MCC: variants seen among roughly 807,000 people sequenced by gnomAD.
The protein encoded by MCC is MCC regulator of Wnt signaling pathway, also known as colorectal mutant cancer protein.
MCC carries 90 observed loss-of-function variants against 116.2 expected under a neutral mutation model. The observed-to-expected ratio is 0.77, with a 90% CI of 0.65 to 0.92. The LOEUF (loss-of-function observed/expected upper bound fraction) is 0.92, where lower values mean the gene tolerates loss of function less well. Ranked by LOEUF, MCC falls within the 40% of genes least tolerant of loss-of-function variation. The probability of loss-of-function intolerance (pLI) is 0.00; values close to 1 mark genes in which losing one functional copy is unlikely to be tolerated. For synonymous variants in MCC, 578 were observed against 510.5 expected (o/e 1.13, Z -1.78); for missense variants, 1,516 against 1,312.2 (o/e 1.16, Z -2.40).
Position 113,384,671 on chromosome 5 carries a change from T to G in MCC, c.415+297A>C, listed in dbSNP as rs535571568. Reference sequence around the variant, plus strand: ...CCAAAGAGCTTCTGAGGCCTGCTGATGCAGTTACTACCTTTCTTATGCATT... The same window carrying G: ...CCAAAGAGCTTCTGAGGCCTGCTGAGGCAGTTACTACCTTTCTTATGCATT... On this transcript the variant is annotated intron_variant, in intron 2 of 18. Coordinates refer to ENST00000408903, the MANE Select transcript of MCC (RefSeq NM_001085377.2). Among the ~76,000 whole-genome samples the G allele has an allele frequency of 2.5e-4, 38 of 152,364 alleles. 1 individual carries two copies. The highest frequency in any genetic ancestry group is 9.1e-4 in the Admixed American group (14 of 15,308).
chr5:113,453,899 T>G (rs969342852), intron 1 of MCC, among the ~76,000 whole-genome samples: 1 of 152,006 alleles, frequency 6.6e-6, no homozygotes, highest in African/African-American at 2.4e-5. Context: ...TCACCTGAGG[T>G]TGGGAGTTCG....
chr5:113,478,400 A>G (rs1425544641), intron 1 of MCC, among the ~76,000 whole-genome samples: 1 of 152,206 alleles, frequency 6.6e-6, no homozygotes. Context: ...TATTAGGTAT[A>G]TTTTAAAGAG....
intron 5 of MCC, among the ~76,000 whole-genome samples, chr5:113,138,501 G>A (rs930213431): frequency 1.3e-5 from 2 of 152,202 alleles, no homozygotes; most frequent in Admixed American, 6.5e-5. Flanking sequence ...TGAGGACACA[G>A]TGAGAAGGTG....
chr5:113,396,883 A>G (rs983063533), intron 1 of MCC, among the ~76,000 whole-genome samples: 6 of 152,206 alleles, frequency 3.9e-5, no homozygotes, highest in Non-Finnish European at 1.5e-5. Context: ...ATGATTCCAA[A>G]TATTCCACTT....
intron 3 of MCC, among the ~76,000 whole-genome samples, chr5:113,211,572 T>C (rs951117209): frequency 6.6e-6 from 1 of 152,216 alleles, no homozygotes; most frequent in Admixed American, 6.5e-5. Context: ...TCCTGCTCCA[T>C]GTTAACTTTT....
chr5:113,141,028 G>A (rs1372470786), intron 5 of MCC, among the ~76,000 whole-genome samples: 16 of 152,150 alleles, frequency 1.1e-4, no homozygotes, highest in Non-Finnish European at 2.9e-5. Flanking sequence ...TGTTGGACTC[G>A]GGGAAGATCC....
chr5:113,085,437 T>A, intron 8 of MCC, 127 bp from the exon 9 acceptor site: 1 of 836,712 alleles, frequency 1.2e-6, no homozygotes, highest in Non-Finnish European at 1.9e-6. Flanking sequence ...CTAGGTTGGT[T>A]GAGTCCACAT....
chr5:113,282,266 T>A (rs1054056276), intron 3 of MCC, among the ~76,000 whole-genome samples: 1 of 152,170 alleles, frequency 6.6e-6, no homozygotes. Context: ...GACCCCAATA[T>A]GTCATCACTG....
intron 12 of MCC, among the ~76,000 whole-genome samples, chr5:113,070,559 C>T (rs1561777890): frequency 6.6e-6 from 1 of 151,982 alleles, no homozygotes; most frequent in African/African-American, 2.4e-5. Context: ...GGATTTTATC[C>T]AGAGGAAAAT....
Position 113,023,282 on chromosome 5 carries a change from A to ACTT in MCC, c.*4017_*4019dup, listed in dbSNP as rs1750284495. ...TTAAGAACTGGATAGTGAAGGCGTA[A>ACTT]CTTTTGTTTTGTAACCAGTTACGCC... On this transcript the variant is annotated 3_prime_UTR_variant, in exon 19 of 19. Coordinates refer to ENST00000408903, the MANE Select transcript of MCC (RefSeq NM_001085377.2). 6.6e-6 allele frequency: 1 copy of ACTT among 152,234 alleles called. No individual in the cohort carries two copies. Among genetic ancestry groups the ACTT allele is most frequent in the African/African-American group, 2.4e-5 (1 of 41,466 alleles). 9.4% of individuals were successfully genotyped at this position (152,234 alleles called of 1,614,324 possible).
chr5:113,049,171 G>A lies in MCC; in HGVS notation c.2577C>T (p.Ser859=), dbSNP rs577022580. 269 of 1,614,170 alleles carry A rather than the reference G, an allele frequency of 1.7e-4. 3 individuals are homozygous for A. Among genetic ancestry groups the A allele is most frequent in the East Asian group, 1.2e-3 (52 of 44,880 alleles). ...AYLVHIEHLK[S]EVEEQKEQRM... ...GCTGCTCCTTCTGCTCCTCCACCTC[G>A]GACTTCAGGTGCTCAATGTGCACCA... Residue 859 remains serine (S), a synonymous_variant, in exon 16 of 19, where the codon TCC becomes TCT. Transcript: ENST00000408903.
At chr5:113,243,686 T>C (rs1764466471) in intron 3 of MCC, among the ~76,000 whole-genome samples, 1 of 150,176 alleles carries the variant, frequency 6.7e-6, no homozygotes, top group Non-Finnish European at 1.5e-5. Context: ...CTTCTTTCTG[T>C]TTAAAACCGG....
chr5:113,395,322 T>C (rs1476706233), intron 1 of MCC, among the ~76,000 whole-genome samples: 3 of 152,102 alleles, frequency 2.0e-5, no homozygotes, highest in Admixed American at 6.5e-5. Flanking sequence ...TTCTAGTATA[T>C]ATGTATGAAA....
At chr5:113,454,983 C>A (rs756045516) in intron 1 of MCC, among the ~76,000 whole-genome samples, 2 of 152,150 alleles carry the variant, frequency 1.3e-5, no homozygotes, top group Non-Finnish European at 2.9e-5. Context: ...TCATTCTTCA[C>A]TATCTGACCC....
Position 113,215,993 on chromosome 5 carries a change from T to C in MCC, c.628-64571A>G, listed in dbSNP as rs142373683. Reference sequence around the variant, plus strand: ...TGTTTCTCAGTTATATCTTGTTTGATGGCAAGCCCTTCTCCTTTCCCTGTT... The same window carrying C: ...TGTTTCTCAGTTATATCTTGTTTGACGGCAAGCCCTTCTCCTTTCCCTGTT... On this transcript the variant is annotated intron_variant, in intron 3 of 18. Coordinates refer to ENST00000408903, the MANE Select transcript of MCC (RefSeq NM_001085377.2). Among the ~76,000 whole-genome samples the C allele has an allele frequency of 2.6e-4, 40 of 152,374 alleles. 1 individual carries two copies. The highest frequency in any genetic ancestry group is 7.8e-4 in the Admixed American group (12 of 15,304).
intron 8 of MCC, among the ~76,000 whole-genome samples, chr5:113,097,681 CAT>C (rs1756111294): frequency 6.6e-6 from 1 of 152,166 alleles, no homozygotes; most frequent in South Asian, 2.1e-4. Flanking sequence ...TGAGGGAAAA[CAT>C]AGATGTCTCT....
intron 1 of MCC, among the ~76,000 whole-genome samples, chr5:113,468,665 C>A (rs895453869): frequency 6.6e-5 from 10 of 151,974 alleles, no homozygotes; most frequent in South Asian, 2.1e-4. Flanking sequence ...TGTCTCTGCC[C>A]GGCTTTGGTA....
rs201247852 is a variant in MCC at position 113,297,564 on chromosome 5, C to CA, written c.627+42954dup. Among the ~76,000 whole-genome samples, 494 of 147,914 alleles carry CA rather than the reference C, an allele frequency of 3.3e-3. 4 individuals carry two copies. The highest frequency in any genetic ancestry group is 0.01 in the African/African-American group (415 of 40,018). On this transcript the variant is annotated intron_variant, in intron 3 of 18. Coordinates refer to ENST00000408903, the MANE Select transcript of MCC (RefSeq NM_001085377.2). ...TGGGCAACAGAGTGAGACACCATCTCAAAAAAAAATAATAATAATACTAAA... is the reference window on the plus strand; with the variant it reads ...TGGGCAACAGAGTGAGACACCATCTCAAAAAAAAAATAATAATAATACTAAA...
rs532874598 is a variant in MCC at position 113,060,146 on chromosome 5, T to TCTTG, written c.2213+3837_2213+3838insCAAG. Among the ~76,000 whole-genome samples the TCTTG allele has an allele frequency of 4.8e-3, 723 of 151,864 alleles. 4 individuals carry two copies. Among genetic ancestry groups the TCTTG allele is most frequent in the East Asian group, 0.01 (52 of 5,150 alleles). The stretch of plus-strand genomic sequence containing the variant: ...CTCATTTCCATCAAGGAGCAGCTCT[T>TCTTG]TTTGTTTGTTTGTTTGTTTGTTTGT... On this transcript the variant is annotated intron_variant, in intron 14 of 18. Transcript: ENST00000408903.
Sources: gnomAD v4.1 joint callset for allele counts (sites outside exome capture counted in the v4.1 genomes callset) on GRCh38, gnomAD v4.1.1 for gene constraint, MANE v1.5 for transcripts, NCBI Gene and HGNC (gene_info 2026-07-23, HGNC 2026-07-21) for gene names.